The following NEGR1 variants were observed in gnomAD, a reference collection of about 807,000 sequenced individuals.
NEGR1 encodes the protein neuronal growth regulator 1.
NEGR1 carries 10 observed loss-of-function variants against 40.9 expected under a neutral mutation model. The ratio of observed to expected loss-of-function variants is 0.24; its 90% CI spans 0.15 to 0.42. The LOEUF (loss-of-function observed/expected upper bound fraction) is 0.42. Ranked by LOEUF, NEGR1 falls within the 10% of genes least tolerant of loss-of-function variation. The pLI is 1.00. For missense variants in NEGR1, 352 were observed against 438.9 expected (o/e 0.80, Z 1.77); for synonymous variants, 185 against 166.8 (o/e 1.11, Z -0.84).
At chr1:71,908,473 C>T (rs1661338206) in intron 2 of NEGR1, among the ~76,000 whole-genome samples, 1 of 152,094 alleles carries the variant, frequency 6.6e-6, no homozygotes, top group African/African-American at 2.4e-5. Flanking sequence ...GAGCTAAACA[C>T]TTCATGTGTT....
intron 1 of NEGR1, among the ~76,000 whole-genome samples, chr1:72,203,906 A>T (rs1653302645): frequency 6.6e-6 from 1 of 152,134 alleles, no homozygotes; most frequent in African/African-American, 2.4e-5. Flanking sequence ...CAATTAATAA[A>T]TATTCAAGTA....
At chr1:72,002,007 A>AT (rs1646561917) in intron 1 of NEGR1, among the ~76,000 whole-genome samples, 1 of 151,890 alleles carries the variant, frequency 6.6e-6, no homozygotes, top group Non-Finnish European at 1.5e-5. Context: ...CTTAAATCAA[A>AT]TTTTTGCTTT....
chr1:71,913,236 C>T (rs937768380), intron 2 of NEGR1, among the ~76,000 whole-genome samples: 1 of 152,132 alleles, frequency 6.6e-6, no homozygotes, highest in East Asian at 1.9e-4. Context: ...CTGCCTCAGC[C>T]TCCAAGTAGC....
chr1:71,843,212 C>T (rs1426256130), intron 2 of NEGR1, among the ~76,000 whole-genome samples: 1 of 152,004 alleles, frequency 6.6e-6, no homozygotes, highest in Non-Finnish European at 1.5e-5. Context: ...CAGCAACATC[C>T]TATTTGTGGC....
intron 6 of NEGR1, 143 bp from the exon 7 acceptor site, chr1:71,407,713 T>C (rs1646287393): frequency 8.6e-6 from 6 of 695,194 alleles, no homozygotes; most frequent in South Asian, 2.0e-5. Context: ...GATTCTGCTA[T>C]ATGACAACGT....
chr1:71,926,727 T>C (rs1036795636), intron 2 of NEGR1, among the ~76,000 whole-genome samples: 1 of 152,006 alleles, frequency 6.6e-6, no homozygotes, highest in African/African-American at 2.4e-5. Context: ...GAAAATATTA[T>C]CAACTTAGTA....
chr1:71,462,068 T>A (rs1332446305), intron 6 of NEGR1, among the ~76,000 whole-genome samples: 1 of 152,210 alleles, frequency 6.6e-6, no homozygotes, highest in Non-Finnish European at 1.5e-5. Context: ...TTAACCATTA[T>A]TCTTTTAAAC....
At chr1:71,732,680 A>C (rs1654922429) in intron 3 of NEGR1, among the ~76,000 whole-genome samples, 1 of 152,168 alleles carries the variant, frequency 6.6e-6, no homozygotes, top group African/African-American at 2.4e-5. Context: ...AGATTTGTCC[A>C]TTTTATATTA....
At chr1:71,866,779 A>G (rs1660125815) in intron 2 of NEGR1, among the ~76,000 whole-genome samples, 1 of 152,178 alleles carries the variant, frequency 6.6e-6, no homozygotes, top group Non-Finnish European at 1.5e-5. Context: ...TGTATGTTTT[A>G]TAAATAAACG....
In NEGR1 at chr1:71,847,556, T is replaced by C. The variant is rs531368006; in HGVS notation, c.410-71259A>G. 9.8e-5 allele frequency among the ~76,000 whole-genome samples: 15 copies of C among 152,328 alleles called. 1 individual carries two copies. In the South Asian group the frequency reaches 3.1e-3, roughly 32 times the overall value. On this transcript the variant is annotated intron_variant, in intron 2 of 6. Coordinates refer to ENST00000357731, the MANE Select transcript of NEGR1 (RefSeq NM_173808.3). ...ATGTTACTCTTGTAATTGTTTTAAT[T>C]GTTTTGGGGCACCAAAAGCAGTGCC...
At chr1:72,022,532 T>C (rs1646770350) in intron 1 of NEGR1, among the ~76,000 whole-genome samples, 1 of 150,004 alleles carries the variant, frequency 6.7e-6, no homozygotes, top group Non-Finnish European at 1.5e-5. Flanking sequence ...ATATATATAA[T>C]TCATATATAT....
intron 2 of NEGR1, among the ~76,000 whole-genome samples, chr1:71,902,146 T>C (rs1035320409): frequency 2.0e-5 from 3 of 152,088 alleles, no homozygotes; most frequent in African/African-American, 7.2e-5. Flanking sequence ...ACTTAGAAAT[T>C]GAAAGAGGTA....
intron 2 of NEGR1, among the ~76,000 whole-genome samples, chr1:71,818,140 A>G (rs1185365365): frequency 6.6e-6 from 1 of 151,990 alleles, no homozygotes; most frequent in Non-Finnish European, 1.5e-5. Flanking sequence ...GCGATTCCTC[A>G]AAGAACTTAG....
intron 1 of NEGR1, among the ~76,000 whole-genome samples, chr1:72,083,416 A>G (rs924323226): frequency 6.6e-6 from 1 of 152,026 alleles, no homozygotes; most frequent in Non-Finnish European, 1.5e-5. Flanking sequence ...GGCTGTTCAC[A>G]GGTGAAATCA....
chr1:71,982,138 T>C (rs1024849399), intron 1 of NEGR1, among the ~76,000 whole-genome samples: 1 of 152,166 alleles, frequency 6.6e-6, no homozygotes, highest in Non-Finnish European at 1.5e-5. Context: ...AATACAATGG[T>C]AAATGAAAAC....
At chr1:71,645,904 A>C (rs638508) in intron 4 of NEGR1, among the ~76,000 whole-genome samples, 70,089 of 151,414 alleles carry the variant, frequency 0.46, 16,390 homozygotes, top group East Asian at 0.67. Context: ...CTGCATAGGT[A>C]ATGGACTCTA....
intron 1 of NEGR1, among the ~76,000 whole-genome samples, chr1:71,942,880 C>CT (rs59927580): frequency 0.41 from 60,691 of 148,914 alleles, 13,463 homozygotes; most frequent in East Asian, 0.64. Flanking sequence ...TAGCTCACTG[C>CT]AGCCTCGAAC....
intron 1 of NEGR1, among the ~76,000 whole-genome samples, chr1:72,212,323 A>AT (rs1653640559): frequency 6.6e-6 from 1 of 151,804 alleles, no homozygotes; most frequent in African/African-American, 2.4e-5. Flanking sequence ...CTTTGTAATC[A>AT]TTTTTTCTGT....
At chr1:71,687,134 A>T (rs2101617245) in intron 4 of NEGR1, among the ~76,000 whole-genome samples, 2 of 152,340 alleles carry the variant, frequency 1.3e-5, no homozygotes, top group Middle Eastern at 6.8e-3. Context: ...ACGATGTCTC[A>T]TATTACTTAA....
Sources: allele counts gnomAD v4.1 joint callset (sites outside exome capture counted in the v4.1 genomes callset), GRCh38; gene constraint gnomAD v4.1.1; transcripts MANE v1.5; gene names NCBI Gene and HGNC (gene_info 2026-07-23, HGNC 2026-07-21).